CCDC91: variants seen among roughly 807,000 people sequenced by gnomAD.
CCDC91 encodes coiled-coil domain-containing protein 91.
In CCDC91, 48 loss-of-function variants were observed where a neutral mutation model predicts 63.2. That is an observed-to-expected ratio of 0.76 (90% CI 0.60 to 0.97). The LOEUF (loss-of-function observed/expected upper bound fraction) is 0.97, where lower values mean the gene tolerates loss of function less well. CCDC91 is among the 50% of genes least tolerant of loss of function. CCDC91 has a pLI of 0.00. For missense variants in CCDC91, 500 were observed against 494.6 expected (o/e 1.01, Z -0.10); for synonymous variants, 167 against 165.8 (o/e 1.01, Z -0.06).
intron 8 of CCDC91, among the ~76,000 whole-genome samples, chr12:28,440,523 A>G (rs1160556764): frequency 1.3e-5 from 2 of 152,238 alleles, no homozygotes; most frequent in Admixed American, 6.5e-5. Context: ...GATGTAGGCA[A>G]TAATTTTGTG....
intron 6 of CCDC91, among the ~76,000 whole-genome samples, chr12:28,345,686 G>C (rs1364854035): frequency 2.0e-5 from 3 of 151,786 alleles, no homozygotes; most frequent in Admixed American, 2.0e-4. Flanking sequence ...TTTTTCTGGT[G>C]CCCCAACAGC....
chr12:28,338,866 A>T (rs184916188), intron 6 of CCDC91, among the ~76,000 whole-genome samples: 5 of 150,958 alleles, frequency 3.3e-5, no homozygotes, highest in Non-Finnish European at 7.4e-5. Flanking sequence ...TTTGAGACGG[A>T]CTCTCGCTCT....
chr12:28,320,694 C>T (rs1219913084), intron 6 of CCDC91, among the ~76,000 whole-genome samples: 1 of 151,796 alleles, frequency 6.6e-6, no homozygotes, highest in African/African-American at 2.4e-5. Context: ...AGACAGTTAA[C>T]ATATAAAATA....
At chr12:28,406,810 A>ATTTTTTTTTTT (rs375722489) in intron 8 of CCDC91, among the ~76,000 whole-genome samples, 26,807 of 146,436 alleles carry the variant, frequency 0.18, 3,373 homozygotes, top group Non-Finnish European at 0.28. Flanking sequence ...GATTTTAACT[A>ATTTTTTTTTTT]TTTTTTTTTG....
intron 8 of CCDC91, among the ~76,000 whole-genome samples, chr12:28,434,137 A>G (rs1948773438): frequency 6.6e-6 from 1 of 151,730 alleles, no homozygotes; most frequent in Admixed American, 6.6e-5. Context: ...TCTTTTGTGA[A>G]CAAAAGATGG....
intron 3 of CCDC91, among the ~76,000 whole-genome samples, chr12:28,303,042 A>G (rs1451609706): frequency 6.6e-6 from 1 of 152,126 alleles, no homozygotes; most frequent in Non-Finnish European, 1.5e-5. Flanking sequence ...GTAGAAATAT[A>G]GGAGATCATG....
At chr12:28,327,959 C>T (rs10771421) in intron 6 of CCDC91, among the ~76,000 whole-genome samples, 138,964 of 152,118 alleles carry the variant, frequency 0.91, 64,664 homozygotes, top group East Asian at 1. Context: ...TTCAGCTAGG[C>T]AGATCTTGTA....
At chr12:28,517,294 G>C (rs1940058201) in intron 12 of CCDC91, among the ~76,000 whole-genome samples, 1 of 151,960 alleles carries the variant, frequency 6.6e-6, no homozygotes, top group Non-Finnish European at 1.5e-5. Context: ...CTGAAAACAA[G>C]AATGTGGTGG....
At chr12:28,399,080 T>G (rs568637144) in intron 8 of CCDC91, among the ~76,000 whole-genome samples, 1 of 152,182 alleles carries the variant, frequency 6.6e-6, no homozygotes, top group Non-Finnish European at 1.5e-5. Context: ...GAAAAGAGAT[T>G]TAACTGACAG....
rs1222841557 is a variant in CCDC91, at chr12:28,219,847, C to G, written c.-15+29206C>G. Among the ~76,000 whole-genome samples, 3 of 152,186 alleles carry G rather than the reference C, an allele frequency of 2.0e-5. No homozygotes were observed. In the South Asian group the frequency reaches 6.2e-4, roughly 32 times the overall value. ...TGTATACATTTGAATATTATAGTAT[C>G]TTGATTAATTTATCTGTCATTATGA... On this transcript the variant is annotated intron_variant, in intron 1 of 12. Transcript: ENST00000536442.
intron 8 of CCDC91, among the ~76,000 whole-genome samples, chr12:28,405,120 C>G (rs1946855070): frequency 6.6e-6 from 1 of 151,746 alleles, no homozygotes; most frequent in Non-Finnish European, 1.5e-5. Context: ...TTTTCTGGTT[C>G]AAATTGAAAA....
chr12:28,284,484 C>T (rs184972137), intron 3 of CCDC91, among the ~76,000 whole-genome samples: 1 of 152,052 alleles, frequency 6.6e-6, no homozygotes, highest in East Asian at 1.9e-4. Context: ...GAAACCCCAT[C>T]TCTACTAAAA....
At chr12:28,449,185 CTGTT>C (rs915509389) in intron 8 of CCDC91, among the ~76,000 whole-genome samples, 36 of 152,104 alleles carry the variant, frequency 2.4e-4, no homozygotes, top group African/African-American at 8.7e-4. Context: ...TAGACATGGA[CTGTT>C]TGGTCACTTA....
intron 12 of CCDC91, among the ~76,000 whole-genome samples, chr12:28,546,972 G>A (rs1281794953): frequency 2.0e-5 from 3 of 152,042 alleles, no homozygotes; most frequent in Non-Finnish European, 2.9e-5. Context: ...CTGTCAATGG[G>A]AAAGTAGCTA....
At position 28,307,757 on chromosome 12, in the gene CCDC91, G is replaced by T. The variant is rs1436863593; in HGVS notation, c.576+8G>T. The T allele has an allele frequency of 2.8e-6, 4 of 1,416,854 alleles. No individual in the cohort carries two copies. Among genetic ancestry groups the T allele is most frequent in the South Asian group, 1.2e-5 (1 of 81,452 alleles). The allele number at this position is 1,416,854 out of a possible 1,614,324, so 87.8% of individuals were successfully genotyped here. On this transcript the variant is annotated splice_region_variant and intron_variant, in intron 6 of 12. Coordinates refer to ENST00000536442, the MANE Select transcript of CCDC91 (RefSeq NM_018318.5). Reference sequence around the variant, plus strand: ...AGATACAAAGAACTTCAGGTAAGGCGATTGAACTTAAGATTTAAAATGTAA... The same window carrying T: ...AGATACAAAGAACTTCAGGTAAGGCTATTGAACTTAAGATTTAAAATGTAA...
chr12:28,545,564 T>C (rs1942931827), intron 12 of CCDC91, among the ~76,000 whole-genome samples: 1 of 152,074 alleles, frequency 6.6e-6, no homozygotes, highest in Non-Finnish European at 1.5e-5. Context: ...CCTTGTTGCT[T>C]CTTAAAGTAT....
chr12:28,205,855 G>T (rs1175139204), intron 1 of CCDC91, among the ~76,000 whole-genome samples: 4 of 152,104 alleles, frequency 2.6e-5, no homozygotes, highest in African/African-American at 9.7e-5. Flanking sequence ...TCCTTCTCAG[G>T]CCATATTTGG....
intron 3 of CCDC91, among the ~76,000 whole-genome samples, chr12:28,269,572 C>T (rs759838437): frequency 2.6e-5 from 4 of 152,082 alleles, no homozygotes; most frequent in Non-Finnish European, 4.4e-5. Flanking sequence ...CCCATGACTC[C>T]ATTATTTTAA....
At chr12:28,255,544 A>G (rs965477567) in intron 1 of CCDC91, 1 of 152,214 alleles carries the variant, frequency 6.6e-6, no homozygotes, top group Non-Finnish European at 1.5e-5. Context: ...ACTAAACATC[A>G]TCAAAAGTTT....
Sources: allele counts gnomAD v4.1 joint callset (sites outside exome capture counted in the v4.1 genomes callset), GRCh38; gene constraint gnomAD v4.1.1; transcripts MANE v1.5; gene names NCBI Gene and HGNC (gene_info 2026-07-23, HGNC 2026-07-21).